The following CAMK2D variants were observed in gnomAD, a reference collection of about 807,000 sequenced individuals.
The protein encoded by CAMK2D is calcium/calmodulin-dependent protein kinase type II subunit delta.
Under a neutral mutation model 84.0 loss-of-function variants are expected in CAMK2D, and 37 were observed. The ratio of observed to expected loss-of-function variants is 0.44; its 90% CI spans 0.34 to 0.58. The LOEUF is 0.58. Ranked by LOEUF, CAMK2D falls within the 20% of genes least tolerant of loss-of-function variation. The pLI, the probability that CAMK2D is intolerant of heterozygous loss-of-function variation, is 0.02. For missense variants in CAMK2D, 448 were observed against 652.5 expected, an observed-to-expected ratio of 0.69 and a Z score of 3.41; for synonymous variants, 202 against 212.5, an observed-to-expected ratio of 0.95 and a Z score of 0.43.
chr4:113,719,614 T>C (rs952622521), intron 2 of CAMK2D, among the ~76,000 whole-genome samples: 3 of 152,214 alleles, frequency 2.0e-5, no homozygotes, highest in African/African-American at 7.2e-5. Context: ...GGTAGTTAAC[T>C]AGCTAAATAC....
intron 5 of CAMK2D, among the ~76,000 whole-genome samples, chr4:113,551,274 C>T (rs915930329): frequency 1.3e-5 from 2 of 152,098 alleles, no homozygotes; most frequent in African/African-American, 4.8e-5. Flanking sequence ...TAGGAAGTTG[C>T]AAATTAGACA....
chr4:113,494,725 G>A lies in CAMK2D; in HGVS notation c.1135+5738C>T, dbSNP rs61541063. ...TAAGGAAGCCTGGGCAATGGCGGGC[G>A]CCCCTCCCCCAGCCTCGCTGCCGCC... On this transcript the variant is annotated intron_variant, in intron 16 of 20. Coordinates refer to ENST00000511664, the MANE Select transcript of CAMK2D (RefSeq NM_001321571.2). Among the ~76,000 whole-genome samples the A allele has an allele frequency of 2.0e-4, 31 of 152,308 alleles. No individual in the cohort carries two copies. The East Asian group carries it at 2.7e-3, about 13-fold the overall frequency.
intron 16 of CAMK2D, among the ~76,000 whole-genome samples, chr4:113,475,499 C>T (rs977587935): frequency 6.6e-6 from 1 of 152,170 alleles, no homozygotes; most frequent in Non-Finnish European, 1.5e-5. Flanking sequence ...AAGGTATCTT[C>T]CCCCCATCTT....
intron 4 of CAMK2D, among the ~76,000 whole-genome samples, chr4:113,584,633 T>C (rs888129148): frequency 3.3e-5 from 5 of 152,130 alleles, no homozygotes; most frequent in African/African-American, 9.7e-5. Flanking sequence ...CGTAAGTTAT[T>C]TGGCTCAGGT....
At position 113,632,518 on chromosome 4, in the gene CAMK2D, C is replaced by T. The variant is rs1028161383; in HGVS notation, c.221-23312G>A. 1.1e-4 allele frequency among the ~76,000 whole-genome samples: 16 copies of T among 151,626 alleles called. No individual in the cohort carries two copies. In the South Asian group the frequency reaches 1.9e-3, roughly 18 times the overall value. On this transcript the variant is annotated intron_variant, in intron 3 of 20. Transcript: ENST00000511664. ...GATTACAGGTGTGAGCCACCACGCC[C>T]GGCCTGTGTGTGTGTATTATTTGAT... is the stretch of plus-strand genomic sequence containing the variant.
At chr4:113,498,439 A>C (rs536424223) in intron 16 of CAMK2D, among the ~76,000 whole-genome samples, 1 of 152,324 alleles carries the variant, frequency 6.6e-6, no homozygotes, top group Non-Finnish European at 1.5e-5. Flanking sequence ...TACAGAGAAC[A>C]CAAATGAGTC....
intron 16 of CAMK2D, among the ~76,000 whole-genome samples, chr4:113,488,777 T>C (rs1034528694): frequency 2.0e-5 from 3 of 152,118 alleles, no homozygotes; most frequent in East Asian, 1.9e-4. Context: ...TACTATAGAG[T>C]GAGCTGATGT....
Position 113,484,677 on chromosome 4 carries a change from A to T in CAMK2D, c.1135+15786T>A, listed in dbSNP as rs2097747624. Among the ~76,000 whole-genome samples, 2 of 152,208 alleles carry T rather than the reference A, an allele frequency of 1.3e-5. 1 individual carries two copies. The highest frequency in any genetic ancestry group is 2.9e-5 in the Non-Finnish European group (2 of 68,030). On this transcript the variant is annotated intron_variant, in intron 16 of 20. Transcript: ENST00000511664. ...AACTGACAAATAACATGCTGTTATC[A>T]ATCAAGTCAACACATTCCTTTATAG... is the stretch of plus-strand genomic sequence containing the variant.
chr4:113,455,528 A>G (rs542373213), intron 20 of CAMK2D, among the ~76,000 whole-genome samples, 198 bp downstream of exon 20: 1 of 152,306 alleles, frequency 6.6e-6, no homozygotes, highest in East Asian at 1.9e-4. Flanking sequence ...TTACCTTTAA[A>G]ATAAGGATTA....
intron 17 of CAMK2D, among the ~76,000 whole-genome samples, chr4:113,462,231 TACCC>T (rs2097385827): frequency 2.0e-5 from 3 of 151,910 alleles, no homozygotes; most frequent in African/African-American, 7.3e-5. Flanking sequence ...TGGATCTTCT[TACCC>T]AGCCATGAAA....
chr4:113,713,811 T>A (rs2099502757), intron 2 of CAMK2D, among the ~76,000 whole-genome samples: 1 of 151,570 alleles, frequency 6.6e-6, no homozygotes, highest in South Asian at 2.1e-4. Context: ...ACATGTGATA[T>A]TTTTTTTCTC....
At chr4:113,677,977 A>G (rs1204481703) in intron 2 of CAMK2D, among the ~76,000 whole-genome samples, 1 of 152,192 alleles carries the variant, frequency 6.6e-6, no homozygotes, top group Non-Finnish European at 1.5e-5. Flanking sequence ...GATAAAATAA[A>G]TGTCATGAAA....
intron 3 of CAMK2D, among the ~76,000 whole-genome samples, chr4:113,642,408 C>A (rs1592364473): frequency 6.6e-6 from 1 of 152,270 alleles, no homozygotes; most frequent in East Asian, 1.9e-4. Context: ...AGAACTACTC[C>A]CTTCCAGGGT....
chr4:113,503,035 A>G (rs1008549411), intron 14 of CAMK2D, 58 bp from the exon 15 acceptor site: 4 of 1,217,960 alleles, frequency 3.3e-6, no homozygotes, highest in South Asian at 1.2e-5. Flanking sequence ...CATTCTTTCT[A>G]GTGTGAAGGA....
chr4:113,514,572 A>G (rs2098261230), intron 10 of CAMK2D, among the ~76,000 whole-genome samples: 1 of 152,222 alleles, frequency 6.6e-6, no homozygotes, highest in Admixed American at 6.5e-5. Flanking sequence ...TTGGAAATTT[A>G]CTGAAGTCTC....
At chr4:113,545,552 G>A (rs2098559725) in intron 6 of CAMK2D, among the ~76,000 whole-genome samples, 2 of 152,142 alleles carry the variant, frequency 1.3e-5, no homozygotes, top group South Asian at 4.1e-4. Context: ...ATTTATCAGA[G>A]TATACATCAT....
chr4:113,662,520 A>G (rs1284778413), intron 2 of CAMK2D, among the ~76,000 whole-genome samples: 1 of 152,228 alleles, frequency 6.6e-6, no homozygotes, highest in African/African-American at 2.4e-5. Context: ...GTAGAAACAC[A>G]TGTTGCTGAT....
intron 2 of CAMK2D, among the ~76,000 whole-genome samples, chr4:113,697,356 G>A (rs1162829850): frequency 6.6e-6 from 1 of 152,094 alleles, no homozygotes; most frequent in Non-Finnish European, 1.5e-5. Context: ...AGCCTAAATA[G>A]ATGCAGTTTG....
intron 3 of CAMK2D, 71 bp from the exon 4 acceptor site, chr4:113,609,277 A>G: frequency 1.3e-6 from 1 of 800,002 alleles, no homozygotes; most frequent in South Asian, 1.4e-5. Context: ...CCCACTTCAC[A>G]TGGACATATG....
Sources: allele counts gnomAD v4.1 joint callset (sites outside exome capture counted in the v4.1 genomes callset), GRCh38; gene constraint gnomAD v4.1.1; transcripts MANE v1.5; gene names NCBI Gene and HGNC (gene_info 2026-07-23, HGNC 2026-07-21).